The following NGEF variants were observed in gnomAD, a reference collection of about 807,000 sequenced individuals.
The protein encoded by NGEF is neuronal guanine nucleotide exchange factor.
A neutral mutation model predicts 80.9 loss-of-function variants in NGEF; 31 were observed. That is an observed-to-expected ratio of 0.38 (90% confidence interval 0.29 to 0.52). The LOEUF is 0.52. Ranked by LOEUF, NGEF falls within the 20% of genes least tolerant of loss-of-function variation. The probability of loss-of-function intolerance (pLI) is 0.84; values close to 1 mark genes in which losing one functional copy is unlikely to be tolerated. For synonymous variants in NGEF, 371 were observed against 370.2 expected (o/e 1.00, Z -0.03); for missense variants, 709 against 926.2 (o/e 0.77, Z 3.04).
chr2:232,978,115 C>G (rs1694334750), intron 1 of NGEF, among the ~76,000 whole-genome samples: 2 of 151,506 alleles, frequency 1.3e-5, no homozygotes, highest in South Asian at 4.2e-4. Flanking sequence ...CCGGCTCTGA[C>G]AAGGGGACCC....
chr2:232,879,200 C>T lies in NGEF; in HGVS notation c.*289G>A. 1 of 327,014 alleles carries T rather than the reference C, an allele frequency of 3.1e-6. No individual in the cohort carries two copies. The highest frequency in any genetic ancestry group is 2.1e-5 in the African/African-American group (1 of 48,048). 20.3% of individuals were successfully genotyped at this position (327,014 alleles called of 1,614,324 possible). ...GGGGCATGGGGGGCCCTGGAGTGTG[C>T]CCACCCCCTTCCACCCCCTCGGAGG... On this transcript the variant is annotated 3_prime_UTR_variant, in exon 15 of 15. Transcript: ENST00000264051.
chr2:232,935,655 G>T (rs1427377510), intron 3 of NGEF, among the ~76,000 whole-genome samples: 1 of 152,104 alleles, frequency 6.6e-6, no homozygotes, highest in East Asian at 1.9e-4. Context: ...CACATAGCTA[G>T]CTAATGGCAG....
intron 1 of NGEF, among the ~76,000 whole-genome samples, chr2:232,997,212 C>T (rs553301060): frequency 4.6e-5 from 7 of 152,318 alleles, no homozygotes; most frequent in South Asian, 4.1e-4. Flanking sequence ...AAGTCTCACC[C>T]GGGCCCTGGG....
intron 2 of NGEF, among the ~76,000 whole-genome samples, chr2:232,973,056 C>T (rs1006780048): frequency 2.0e-4 from 30 of 152,222 alleles, no homozygotes; most frequent in Admixed American, 6.5e-4. Context: ...TGCACCCGGC[C>T]GTCCTTACCC....
At chr2:232,926,469 A>G (rs1199977060) in intron 4 of NGEF, among the ~76,000 whole-genome samples, 1 of 152,068 alleles carries the variant, frequency 6.6e-6, no homozygotes, top group Non-Finnish European at 1.5e-5. Flanking sequence ...CTTCCCTTCC[A>G]GGCCATATTC....
At chr2:232,987,419 G>T (rs1223652387) in intron 1 of NGEF, among the ~76,000 whole-genome samples, 1 of 152,184 alleles carries the variant, frequency 6.6e-6, no homozygotes, top group East Asian at 1.9e-4. Context: ...TGAGGGAGGT[G>T]TGCCTCCTAT....
intron 3 of NGEF, among the ~76,000 whole-genome samples, chr2:232,939,134 C>T (rs903556219): frequency 2.8e-5 from 4 of 140,796 alleles, no homozygotes; most frequent in Non-Finnish European, 4.5e-5. Flanking sequence ...GCCGAGATTG[C>T]GCCACTGGAC....
chr2:232,952,149 C>T (rs991048206), intron 3 of NGEF, among the ~76,000 whole-genome samples: 1 of 152,192 alleles, frequency 6.6e-6, no homozygotes, highest in Non-Finnish European at 1.5e-5. Context: ...CTGGTATGTA[C>T]TCGCCCTGCA....
At chr2:232,922,717 A>T (rs554891826) in intron 4 of NGEF, among the ~76,000 whole-genome samples, 1 of 152,346 alleles carries the variant, frequency 6.6e-6, no homozygotes, top group South Asian at 2.1e-4. Context: ...TTTTCAATGC[A>T]TAGTGCAGCG....
chr2:232,967,706 G>GGTGT (rs10686172), intron 3 of NGEF, among the ~76,000 whole-genome samples: 50,287 of 148,192 alleles, frequency 0.34, 8,741 homozygotes, highest in East Asian at 0.61. Flanking sequence ...ATAAAATAGG[G>GGTGT]GTGTGTGTGT....
chr2:232,994,097 C>T (rs1213523852), intron 1 of NGEF, among the ~76,000 whole-genome samples: 3 of 152,024 alleles, frequency 2.0e-5, no homozygotes, highest in Non-Finnish European at 2.9e-5. Flanking sequence ...AGGCTGGGTC[C>T]GGTGGCTCAT....
In NGEF at chr2:232,887,176, C is replaced by T. The variant is rs1691720025; in HGVS notation, c.1347+857G>A. On this transcript the variant is annotated intron_variant, in intron 9 of 14. Transcript: ENST00000264051. ...ATATGGACATCCCCCGCCTTGCTCT[C>T]CACCATGACGGCGTCACTGGCTCAA... is the stretch of plus-strand genomic sequence containing the variant. Among the ~76,000 whole-genome samples the T allele has an allele frequency of 2.0e-5, 3 of 152,356 alleles. No homozygotes were observed. The South Asian group carries it at 6.2e-4, about 32-fold the overall frequency.
At chr2:232,915,237 TA>T (rs137980285) in intron 5 of NGEF, among the ~76,000 whole-genome samples, 12,704 of 152,138 alleles carry the variant, frequency 0.084, 665 homozygotes, top group East Asian at 0.17. Flanking sequence ...GGTAGTAGCT[TA>T]TATTTTCCTA....
intron 7 of NGEF, among the ~76,000 whole-genome samples, chr2:232,891,740 C>T (rs984020947): frequency 2.0e-5 from 3 of 152,196 alleles, no homozygotes; most frequent in Admixed American, 6.5e-5. Context: ...ATAAGGATTC[C>T]TTGTGTGGCC....
chr2:232,936,565 C>T (rs76078763), intron 3 of NGEF, among the ~76,000 whole-genome samples: 1,547 of 152,290 alleles, frequency 0.01, 23 homozygotes, highest in African/African-American at 0.034. Flanking sequence ...CCAACCACAT[C>T]TTTGTGACCA....
At chr2:232,906,059 G>A (rs1381039406) in intron 5 of NGEF, among the ~76,000 whole-genome samples, 5 of 132,316 alleles carry the variant, frequency 3.8e-5, no homozygotes, top group African/African-American at 8.6e-5. Context: ...CGCCCCGTCC[G>A]GGAGGGAGGT....
intron 5 of NGEF, among the ~76,000 whole-genome samples, chr2:232,912,512 G>T (rs1438433444): frequency 6.6e-6 from 1 of 152,140 alleles, no homozygotes; most frequent in Non-Finnish European, 1.5e-5. Context: ...TTTCTATCAG[G>T]TGATGCTGGC....
intron 9 of NGEF, among the ~76,000 whole-genome samples, chr2:232,887,710 A>G (rs568054987): frequency 4.1e-4 from 63 of 152,240 alleles, no homozygotes; most frequent in African/African-American, 1.5e-3. Context: ...GGGCCTGTGC[A>G]TGATCGCAGA....
At chr2:232,882,744 G>A (rs1273113309) in intron 12 of NGEF, among the ~76,000 whole-genome samples, 2 of 152,162 alleles carry the variant, frequency 1.3e-5, no homozygotes, top group Non-Finnish European at 2.9e-5. Flanking sequence ...CCTCAGCTCC[G>A]CAGGCCACGA....
Sources: gnomAD v4.1 joint callset for allele counts (sites outside exome capture counted in the v4.1 genomes callset) on GRCh38, gnomAD v4.1.1 for gene constraint, MANE v1.5 for transcripts, NCBI Gene and HGNC (gene_info 2026-07-23, HGNC 2026-07-21) for gene names.